The following PSME3IP1 variants were observed in gnomAD, a reference collection of about 807,000 sequenced individuals.
PSME3IP1 encodes the protein PSME3-interacting protein.
Under a neutral mutation model 34.1 loss-of-function variants are expected in PSME3IP1, and 13 were observed. That is an observed-to-expected ratio of 0.38 (90% CI 0.25 to 0.61). The LOEUF (loss-of-function observed/expected upper bound fraction) is 0.61, where lower values mean the gene tolerates loss of function less well. Among genes scored for constraint, PSME3IP1 ranks in the 20% least tolerant of loss-of-function variants. The probability of loss-of-function intolerance (pLI) is 0.60; values close to 1 mark genes in which losing one functional copy is unlikely to be tolerated. For missense variants in PSME3IP1, 237 were observed against 301.4 expected (o/e 0.79, Z 1.58); for synonymous variants, 93 against 114.3 (o/e 0.81, Z 1.19).
intron 1 of PSME3IP1, chr16:57,178,434 C>T (rs1597757725): frequency 1.9e-6 from 1 of 526,842 alleles, no homozygotes; most frequent in Non-Finnish European, 2.4e-6. Flanking sequence ...TCCAACAGCT[C>T]TTTGTCTCCA....
At chr16:57,162,404 C>T (rs2071358736) in intron 6 of PSME3IP1, among the ~76,000 whole-genome samples, 1 of 152,220 alleles carries the variant, frequency 6.6e-6, no homozygotes, top group African/African-American at 2.4e-5. Context: ...GTGGCTCACA[C>T]CTGTAATCCC....
intron 1 of PSME3IP1, among the ~76,000 whole-genome samples, chr16:57,183,420 C>T (rs986051921): frequency 2.0e-5 from 3 of 152,076 alleles, no homozygotes; most frequent in Non-Finnish European, 4.4e-5. Flanking sequence ...GCAACCTCCA[C>T]CTCCCAGGTT....
At chr16:57,156,029 A>C (rs1458033579) in intron 6 of PSME3IP1, among the ~76,000 whole-genome samples, 1 of 152,106 alleles carries the variant, frequency 6.6e-6, no homozygotes, top group African/African-American at 2.4e-5. Context: ...GGAGGAAGAA[A>C]AGAAAATGCA....
intron 1 of PSME3IP1, among the ~76,000 whole-genome samples, chr16:57,184,330 CCA>C (rs2073974756): frequency 6.6e-6 from 1 of 151,694 alleles, no homozygotes; most frequent in Admixed American, 6.6e-5. Context: ...AGACACTAAT[CCA>C]CAGATTCAAG....
chr16:57,154,115 C>G lies in PSME3IP1; in HGVS notation c.*175G>C. 1.7e-6 allele frequency: 1 copy of G among 606,058 alleles called. No homozygotes were observed. Among genetic ancestry groups the G allele is most frequent in the Non-Finnish European group, 2.9e-6 (1 of 346,460 alleles). 37.5% of individuals were successfully genotyped at this position (606,058 alleles called of 1,614,324 possible). On this transcript the variant is annotated 3_prime_UTR_variant, in exon 7 of 7. Coordinates refer to ENST00000309137, the MANE Select transcript of PSME3IP1 (RefSeq NM_024946.4). The surrounding 1 kb of genome is among the most constrained non-coding windows in gnomAD (Gnocchi z 4.0). ...GTGGAGTAGAAAGAGGAACCAAACACGATTCGGGCCACAGGTGGATTCTGG... is the reference window on the plus strand; with the variant it reads ...GTGGAGTAGAAAGAGGAACCAAACAGGATTCGGGCCACAGGTGGATTCTGG...
intron 6 of PSME3IP1, among the ~76,000 whole-genome samples, chr16:57,162,360 T>C (rs2071355733): frequency 6.6e-6 from 1 of 152,104 alleles, no homozygotes; most frequent in South Asian, 2.1e-4. Flanking sequence ...TGAAATAAAA[T>C]TGGCTATGTG....
chr16:57,178,442 C>T, intron 1 of PSME3IP1: 1 of 595,236 alleles, frequency 1.7e-6, no homozygotes, highest in Non-Finnish European at 2.1e-6. Context: ...CTCTTTGTCT[C>T]CACAGTGCTT....
chr16:57,182,835 G>A (rs967681021), intron 1 of PSME3IP1, among the ~76,000 whole-genome samples: 19 of 152,048 alleles, frequency 1.2e-4, no homozygotes, highest in African/African-American at 2.9e-4. Context: ...GCTTGAACCC[G>A]GGAGGCGGAG....
rs1429538464 is a variant in PSME3IP1 at position 57,167,114 on chromosome 16, G to A, written c.461C>T (p.Ala154Val). ...KNKFSQAKLL[A>V]GAVKHKSSES... The stretch of plus-strand genomic sequence containing the variant: ...TAACCTCTTATGCTTCACAGCTCCT[G>A]CCAACAGCTTCGCCTGGGAGAACTT... The change falls in exon 5 of 7, where the codon GCA (alanine) becomes GTA (valine). Residue 154 changes from alanine (A) to valine (V), a missense_variant. Physicochemically the swap from Ala to Val is moderately conservative, Grantham distance 64 (BLOSUM62 0). Transcript: ENST00000309137. 5.6e-6 allele frequency: 9 copies of A among 1,613,880 alleles called. No individual in the cohort carries two copies. In the Admixed American group the frequency reaches 1.2e-4, roughly 21 times the overall value.
chr16:57,154,463 G>A lies in PSME3IP1; in HGVS notation c.592C>T (p.Pro198Ser), dbSNP rs774568604. ...KSLGNTSLSGPSIHCPSAAVC... is the reference protein window; with the variant it reads ...KSLGNTSLSGSSIHCPSAAVC... The stretch of plus-strand genomic sequence containing the variant: ...GCAGCAGAGGGGCAGTGGATGGAGG[G>A]GCCACTCAGGGAGGTGTTTCCGAGA... Residue 198 changes from proline (P) to serine (S), a missense_variant, in exon 7 of 7, where the codon CCC becomes TCC. Transcript: ENST00000309137. This position sits in a 1 kb window ranked among gnomAD's most constrained non-coding sequence, Gnocchi z 4.0. The A allele has an allele frequency of 6.2e-7, 1 of 1,613,622 alleles. No homozygotes were observed. Among genetic ancestry groups the A allele is most frequent in the Non-Finnish European group, 8.5e-7 (1 of 1,179,676 alleles).
intron 4 of PSME3IP1, among the ~76,000 whole-genome samples, chr16:57,171,845 A>G (rs1018129999): frequency 6.6e-6 from 1 of 152,220 alleles, no homozygotes; most frequent in Admixed American, 6.5e-5. Context: ...CTGCTTTCTC[A>G]GCCCTTCTAT....
At chr16:57,174,045 T>C in intron 1 of PSME3IP1, 176 bp from the exon 2 acceptor site, 3 of 589,484 alleles carry the variant, frequency 5.1e-6, no homozygotes, top group Non-Finnish European at 8.5e-6. Context: ...CCTGTAATCC[T>C]GGCACTTTGG....
chr16:57,185,234 A>C (rs2074062493), intron 1 of PSME3IP1, among the ~76,000 whole-genome samples: 1 of 152,174 alleles, frequency 6.6e-6, no homozygotes, highest in South Asian at 2.1e-4. Flanking sequence ...ACGAACAAAC[A>C]GGTCTCCCCC....
chr16:57,176,485 G>GC (rs1388110245), intron 1 of PSME3IP1, among the ~76,000 whole-genome samples: 1 of 152,122 alleles, frequency 6.6e-6, no homozygotes, highest in Non-Finnish European at 1.5e-5. Flanking sequence ...CCCTTCCTAG[G>GC]CAGCCAACTC....
chr16:57,163,491 C>T (rs1318419138), intron 6 of PSME3IP1, among the ~76,000 whole-genome samples: 1 of 152,234 alleles, frequency 6.6e-6, no homozygotes, highest in African/African-American at 2.4e-5. Context: ...CAGTAACATT[C>T]ACCTTCACTT....
intron 1 of PSME3IP1, among the ~76,000 whole-genome samples, chr16:57,182,853 T>A (rs1227701136): frequency 6.6e-6 from 1 of 152,084 alleles, no homozygotes; most frequent in Non-Finnish European, 1.5e-5. Flanking sequence ...GAGGTTGTAG[T>A]GAGCCGAGAT....
rs1374381859 is a variant in PSME3IP1, at chr16:57,172,939, A to C, written c.128-65T>G. 3.7e-6 allele frequency: 4 copies of C among 1,077,542 alleles called. No homozygotes were observed. The African/African-American group carries it at 4.7e-5, about 13-fold the overall frequency. The allele number at this position is 1,077,542 out of a possible 1,614,324, so 66.7% of individuals were successfully genotyped here. On this transcript the variant is annotated intron_variant, in intron 2 of 6. Transcript: ENST00000309137. ...GAGATATACACTTCAGATTGTTTTC[A>C]TATTATTTTGGAATCACAAAAGGTT...
chr16:57,163,297 G>A (rs1319533649), intron 6 of PSME3IP1, among the ~76,000 whole-genome samples: 4 of 152,082 alleles, frequency 2.6e-5, no homozygotes, highest in African/African-American at 4.8e-5. Context: ...TAGACCAAAA[G>A]GGTAACAGCA....
At chr16:57,171,292 C>A (rs1381845467) in intron 4 of PSME3IP1, among the ~76,000 whole-genome samples, 4 of 152,138 alleles carry the variant, frequency 2.6e-5, no homozygotes, top group African/African-American at 9.7e-5. Context: ...GGCTGCAGTA[C>A]AGTCAACATG....
Sources: allele counts gnomAD v4.1 joint callset (sites outside exome capture counted in the v4.1 genomes callset), GRCh38; gene constraint gnomAD v4.1.1; non-coding constraint Gnocchi (gnomAD v3.1); transcripts MANE v1.5; gene names NCBI Gene and HGNC (gene_info 2026-07-23, HGNC 2026-07-21).